The following ST13 variants were observed in gnomAD, a reference collection of about 807,000 sequenced individuals.
ST13 encodes ST13 Hsp70 interacting protein, also known as hsc70-interacting protein.
A neutral mutation model predicts 56.7 loss-of-function variants in ST13; 23 were observed. The observed-to-expected ratio is 0.41, with a 90% confidence interval of 0.29 to 0.57. The LOEUF (loss-of-function observed/expected upper bound fraction) is 0.57, where lower values mean the gene tolerates loss of function less well. ST13 is among the 20% of genes least tolerant of loss of function. The pLI is 0.36. For synonymous variants in ST13, 132 were observed against 142.4 expected (o/e 0.93, Z 0.52); for missense variants, 369 against 459.9 (o/e 0.80, Z 1.81).
intron 4 of ST13, among the ~76,000 whole-genome samples, chr22:40,841,454 G>GA (rs1312449105): frequency 6.6e-6 from 1 of 151,928 alleles, no homozygotes; most frequent in South Asian, 2.1e-4. Flanking sequence ...TTAACCACAG[G>GA]AAAAAAATAT....
At chr22:40,855,094 C>T (rs1269546929) in intron 1 of ST13, among the ~76,000 whole-genome samples, 1 of 152,068 alleles carries the variant, frequency 6.6e-6, no homozygotes. Context: ...GAGTTTTTTC[C>T]TTAGAACCAG....
At chr22:40,850,454 T>C (rs1240668602) in intron 2 of ST13, among the ~76,000 whole-genome samples, 1 of 152,170 alleles carries the variant, frequency 6.6e-6, no homozygotes, top group Non-Finnish European at 1.5e-5. Flanking sequence ...ATTACTGACC[T>C]GGGATACTTC....
At chr22:40,828,666 A>AG (rs1241611816) in intron 10 of ST13, among the ~76,000 whole-genome samples, 1 of 152,056 alleles carries the variant, frequency 6.6e-6, no homozygotes, top group African/African-American at 2.4e-5. Context: ...TATTCTACAA[A>AG]GGGTCACTGT....
At chr22:40,826,724 T>C in intron 11 of ST13, 58 bp from the exon 12 acceptor site, 1 of 1,578,674 alleles carries the variant, frequency 6.3e-7, no homozygotes. Context: ...AGTAAGTTTA[T>C]TATCCTAAAT....
rs2057728217 is a variant in ST13 at position 40,826,393 on chromosome 22, G to C, written c.*145C>G. On this transcript the variant is annotated 3_prime_UTR_variant, in exon 12 of 12. Coordinates refer to ENST00000216218, the MANE Select transcript of ST13 (RefSeq NM_003932.5). Reference sequence around the variant, plus strand: ...CTGTAAAATGCTTCAGCTGCATTTGGGGGAGAGGGGTAGGGATTATCTTCA... The same window carrying C: ...CTGTAAAATGCTTCAGCTGCATTTGCGGGAGAGGGGTAGGGATTATCTTCA... The C allele has an allele frequency of 9.5e-6, 6 of 630,792 alleles. No individual in the cohort carries two copies. Among genetic ancestry groups the C allele is most frequent in the Non-Finnish European group, 1.3e-5 (5 of 385,464 alleles). The allele number at this position is 630,792 out of a possible 1,614,324, so 39.1% of individuals were successfully genotyped here.
In ST13 at chr22:40,830,931, C is replaced by G; in HGVS notation, c.707G>C (p.Arg236Thr). The change falls in exon 9 of 12, where the codon AGA (arginine) becomes ACA (threonine). Residue 236 changes from arginine (R) to threonine (T), a missense_variant. Around this residue, in one of 3 missense-constraint regions of ST13, gnomAD observed 64 missense variants for 125.1 expected, o/e 0.51. Coordinates refer to ENST00000216218, the MANE Select transcript of ST13 (RefSeq NM_003932.5). ...CTCTTCACGTTTTCGCTCATACTTT[C>G]TCCGATGTTCTGCAATTTTCTGTGC... ...PRAQKIAEHR[R>T]KYERKREERE... is the part of the protein sequence containing the mutation. 1 of 1,601,150 alleles carries G rather than the reference C, an allele frequency of 6.2e-7. No homozygotes were observed. The highest frequency in any genetic ancestry group is 8.5e-7 in the Non-Finnish European group (1 of 1,179,206).
At chr22:40,855,785 A>C (rs566642410) in intron 1 of ST13, among the ~76,000 whole-genome samples, 1 of 152,134 alleles carries the variant, frequency 6.6e-6, no homozygotes, top group Non-Finnish European at 1.5e-5. Context: ...AGTACTCTAC[A>C]GTTAAAGACA....
At chr22:40,845,883 C>A (rs547918948) in intron 3 of ST13, among the ~76,000 whole-genome samples, 29 of 152,194 alleles carry the variant, frequency 1.9e-4, no homozygotes, top group Admixed American at 5.2e-4. Flanking sequence ...GCATGACTGA[C>A]AAACTATATA....
intron 1 of ST13, chr22:40,854,578 A>AC (rs1419326415): frequency 1.3e-5 from 2 of 152,234 alleles, no homozygotes; most frequent in Non-Finnish European, 2.9e-5. Context: ...TCACTCCAGC[A>AC]CAAGTCAGGA....
chr22:40,835,435 C>T (rs2057772613), intron 7 of ST13, 125 bp downstream of exon 7: 1 of 748,196 alleles, frequency 1.3e-6, no homozygotes, highest in Admixed American at 2.3e-5. Flanking sequence ...CTTCTTGATA[C>T]TAAGTACACA....
chr22:40,855,738 C>A (rs775021217), intron 1 of ST13, among the ~76,000 whole-genome samples: 9 of 152,158 alleles, frequency 5.9e-5, no homozygotes, highest in Non-Finnish European at 1.3e-4. Flanking sequence ...TAGCACCAGG[C>A]ACAATGCCTT....
chr22:40,849,484 A>T (rs2057850255), intron 2 of ST13, among the ~76,000 whole-genome samples: 1 of 150,296 alleles, frequency 6.7e-6, no homozygotes, highest in Admixed American at 6.6e-5. Flanking sequence ...TGTCTCAAAA[A>T]AAAAAAAAAA....
chr22:40,841,895 A>C (rs1289844332), intron 4 of ST13, among the ~76,000 whole-genome samples: 1 of 152,166 alleles, frequency 6.6e-6, no homozygotes, highest in Non-Finnish European at 1.5e-5. Context: ...TCCTGGCTGC[A>C]ATTTTATTTT....
intron 3 of ST13, 130 bp downstream of exon 3, chr22:40,848,164 T>C (rs1044215537): frequency 7.9e-6 from 5 of 635,886 alleles, no homozygotes; most frequent in African/African-American, 5.5e-5. Flanking sequence ...ATGTGACTAC[T>C]AGAACATTCT....
intron 1 of ST13, among the ~76,000 whole-genome samples, chr22:40,855,575 T>A (rs1482417954): frequency 2.6e-5 from 4 of 152,230 alleles, no homozygotes; most frequent in African/African-American, 9.7e-5. Context: ...TTAGTAATAA[T>A]TTTTTAAAAA....
At chr22:40,854,079 T>C (rs1271907103) in intron 1 of ST13, among the ~76,000 whole-genome samples, 1 of 152,256 alleles carries the variant, frequency 6.6e-6, no homozygotes, top group East Asian at 1.9e-4. Context: ...CTAGCAATTA[T>C]AGCAAATAGG....
At chr22:40,827,715 G>A (rs1039788022) in intron 10 of ST13, among the ~76,000 whole-genome samples, 2 of 151,692 alleles carry the variant, frequency 1.3e-5, no homozygotes, top group South Asian at 2.1e-4. Flanking sequence ...TGGCCGGGCC[G>A]CTCTTGAACT....
chr22:40,841,219 A>C (rs1048564564), intron 4 of ST13, among the ~76,000 whole-genome samples: 2 of 151,860 alleles, frequency 1.3e-5, no homozygotes, highest in Non-Finnish European at 2.9e-5. Flanking sequence ...AAAAAAAAAA[A>C]ACAAGCTGGG....
intron 3 of ST13, among the ~76,000 whole-genome samples, chr22:40,845,279 G>A (rs2057825356): frequency 1.3e-5 from 2 of 151,998 alleles, no homozygotes; most frequent in Admixed American, 1.3e-4. Flanking sequence ...AAAATATGCA[G>A]GTAAGCTACA....
Sources: allele counts gnomAD v4.1 joint callset (sites outside exome capture counted in the v4.1 genomes callset), GRCh38; gene constraint gnomAD v4.1.1; regional missense constraint gnomAD v4.1.1; transcripts MANE v1.5; gene names NCBI Gene and HGNC (gene_info 2026-07-23, HGNC 2026-07-21).